The following LRRC7 variants were observed in gnomAD, a reference collection of about 807,000 sequenced individuals.
LRRC7 encodes the protein leucine rich repeat containing 7.
In LRRC7, 23 loss-of-function variants were observed where a neutral mutation model predicts 175.7. That is an observed-to-expected ratio of 0.13 (90% CI 0.09 to 0.19). LRRC7 has a LOEUF of 0.19. Among genes scored for constraint, LRRC7 ranks in the 10% least tolerant of loss-of-function variants. The pLI, the probability that LRRC7 is intolerant of heterozygous loss-of-function variation, is 1.00. For missense variants in LRRC7, 1,354 were observed against 1,904.7 expected, an observed-to-expected ratio of 0.71 and a Z score of 5.38; for synonymous variants, 685 against 680.9, an observed-to-expected ratio of 1.01 and a Z score of -0.09.
At chr1:69,681,501 G>A (rs541828352) in intron 2 of LRRC7, among the ~76,000 whole-genome samples, 24 of 152,136 alleles carry the variant, frequency 1.6e-4, no homozygotes, top group Non-Finnish European at 7.4e-5. Context: ...CAACATAGAC[G>A]TAGATCTAAG....
intron 7 of LRRC7, among the ~76,000 whole-genome samples, chr1:69,864,408 A>G (rs1334658255): frequency 6.6e-6 from 1 of 152,222 alleles, no homozygotes; most frequent in East Asian, 1.9e-4. Flanking sequence ...CTATAATGAT[A>G]TTCAACAACA....
rs1470931090 is a variant in LRRC7, at chr1:69,916,992, GA to G, written c.648-14513del. On this transcript the variant is annotated intron_variant, in intron 7 of 26. Transcript: ENST00000651989. Reference sequence around the variant, plus strand: ...GGACTGGCTATGAGAAGATTTACAGGAATAACATTACAGGCAGGAGCAACAG... The same window carrying G: ...GGACTGGCTATGAGAAGATTTACAGGATAACATTACAGGCAGGAGCAACAG... Among the ~76,000 whole-genome samples, 63 of 152,106 alleles carry G rather than the reference GA, an allele frequency of 4.1e-4. 1 individual carries two copies. Among genetic ancestry groups the G allele is most frequent in the Non-Finnish European group, 1.6e-4 (11 of 67,978 alleles).
chr1:69,728,178 A>G (rs988358229), intron 2 of LRRC7, among the ~76,000 whole-genome samples: 1 of 152,192 alleles, frequency 6.6e-6, no homozygotes, highest in Admixed American at 6.5e-5. Flanking sequence ...GGTTTTCTGG[A>G]AAGTATAAAT....
At chr1:69,664,301 T>C (rs1033785576) in intron 1 of LRRC7, among the ~76,000 whole-genome samples, 9 of 152,220 alleles carry the variant, frequency 5.9e-5, no homozygotes, top group Admixed American at 2.6e-4. Context: ...TGATTTCCTT[T>C]CTTTTGGATA....
In LRRC7 at chr1:70,130,715, T is replaced by C. The variant is rs1666628458; in HGVS notation, c.*8828T>C. Among the ~76,000 whole-genome samples, 1 of 152,212 alleles carries C rather than the reference T, an allele frequency of 6.6e-6. No individual in the cohort carries two copies. Among genetic ancestry groups the C allele is most frequent in the African/African-American group, 2.4e-5 (1 of 41,454 alleles). On this transcript the variant is annotated 3_prime_UTR_variant, in exon 27 of 27. Transcript: ENST00000651989. ...TTTTGATTTGATTGGGTTTCCTTTC[T>C]CTTTGAGAAGAAGTCATGCACATTG...
chr1:69,936,642 T>A (rs531767342), intron 8 of LRRC7, among the ~76,000 whole-genome samples: 1 of 152,284 alleles, frequency 6.6e-6, no homozygotes, highest in Non-Finnish European at 1.5e-5. Flanking sequence ...CACTGGGGTT[T>A]GGTGTACAAA....
At chr1:69,577,230 C>T (rs1645990941) in intron 1 of LRRC7, among the ~76,000 whole-genome samples, 1 of 152,148 alleles carries the variant, frequency 6.6e-6, no homozygotes, top group Admixed American at 6.5e-5. Flanking sequence ...CATAGGTAAA[C>T]TTACCCATAA....
intron 7 of LRRC7, among the ~76,000 whole-genome samples, chr1:69,924,726 A>G (rs1014514766): frequency 3.9e-5 from 6 of 152,182 alleles, no homozygotes; most frequent in Non-Finnish European, 8.8e-5. Context: ...TCCTAGATAT[A>G]CAATCATGTC....
At chr1:69,880,376 G>A (rs74084506) in intron 7 of LRRC7, among the ~76,000 whole-genome samples, 4,195 of 152,266 alleles carry the variant, frequency 0.028, 189 homozygotes, top group African/African-American at 0.096. Flanking sequence ...GATGATCAGG[G>A]CAGAAGATGG....
chr1:69,916,209 AAATTTTAT>A (rs1570638518), intron 7 of LRRC7, among the ~76,000 whole-genome samples: 9 of 126,816 alleles, frequency 7.1e-5, no homozygotes, highest in Non-Finnish European at 9.6e-5. Flanking sequence ...TATAAAAATA[AAATTTTAT>A]TATGTATAAT....
chr1:69,568,748 GTGGCAGGGC>G, intron 1 of LRRC7, 107 bp downstream of exon 1: 12 of 743,128 alleles, frequency 1.6e-5, no homozygotes, highest in Non-Finnish European at 1.9e-5. Context: ...GGGGGCGGGG[GTGGCAGGGC>G]GGGAGGCTTC....
In LRRC7 at chr1:70,130,705, G is replaced by A. The variant is rs140747343; in HGVS notation, c.*8818G>A. The stretch of plus-strand genomic sequence containing the variant: ...ATATCTATCCTTTTGATTTGATTGG[G>A]TTTCCTTTCTCTTTGAGAAGAAGTC... On this transcript the variant is annotated 3_prime_UTR_variant, in exon 27 of 27. Transcript: ENST00000651989. Among the ~76,000 whole-genome samples the A allele has an allele frequency of 9.5e-4, 144 of 152,220 alleles. No homozygotes were observed. Among genetic ancestry groups the A allele is most frequent in the Non-Finnish European group, 1.6e-3 (110 of 68,018 alleles).
intron 3 of LRRC7, among the ~76,000 whole-genome samples, chr1:69,788,740 C>T (rs1674783016): frequency 6.6e-6 from 1 of 152,146 alleles, no homozygotes; most frequent in Non-Finnish European, 1.5e-5. Flanking sequence ...CATAAATCAA[C>T]TCCAGCACCA....
intron 2 of LRRC7, among the ~76,000 whole-genome samples, chr1:69,745,270 A>T (rs1362293576): frequency 6.6e-6 from 1 of 152,002 alleles, no homozygotes; most frequent in East Asian, 1.9e-4. Flanking sequence ...ACAAATAAAG[A>T]TACAGACTTA....
intron 7 of LRRC7, among the ~76,000 whole-genome samples, chr1:69,918,737 A>G (rs1646793204): frequency 6.6e-6 from 1 of 152,210 alleles, no homozygotes; most frequent in African/African-American, 2.4e-5. Flanking sequence ...TAGTGACAGA[A>G]TGAAACTATA....
chr1:69,690,213 C>A (rs1170018515), intron 2 of LRRC7, among the ~76,000 whole-genome samples: 7 of 152,134 alleles, frequency 4.6e-5, no homozygotes, highest in African/African-American at 9.7e-5. Context: ...TTCCTAGCAC[C>A]TCTGGCTTAG....
intron 8 of LRRC7, among the ~76,000 whole-genome samples, chr1:69,941,381 C>T (rs2101799269): frequency 6.6e-6 from 1 of 152,140 alleles, no homozygotes; most frequent in Middle Eastern, 3.4e-3. Flanking sequence ...GACCACTTTA[C>T]TATGTTGAGA....
intron 7 of LRRC7, among the ~76,000 whole-genome samples, chr1:69,856,903 A>C (rs1683711036): frequency 6.6e-6 from 1 of 152,168 alleles, no homozygotes; most frequent in African/African-American, 2.4e-5. Context: ...CACATCAAAA[A>C]GCTTATCCAC....
At position 69,980,241 on chromosome 1, in the gene LRRC7, G is replaced by A. The variant is rs1331204152; in HGVS notation, c.712-138G>A. The stretch of plus-strand genomic sequence containing the variant: ...CCAGTTTTCCTAGAGGTCTGTTAAA[G>A]GTGGAATTTCTTAGATGCTTAACAC... On this transcript the variant is annotated intron_variant, in intron 8 of 26. Coordinates refer to ENST00000651989, the MANE Select transcript of LRRC7 (RefSeq NM_001370785.2). The A allele has an allele frequency of 5.6e-5, 41 of 731,594 alleles. No individual in the cohort carries two copies. The South Asian group carries it at 6.3e-4, about 11-fold the overall frequency. The allele number at this position is 731,594 out of a possible 1,614,324, so 45.3% of individuals were successfully genotyped here. A position where few individuals can be genotyped will look rare whatever the true frequency, so the allele number is the denominator to read the frequency against.
Sources: allele counts gnomAD v4.1 joint callset (sites outside exome capture counted in the v4.1 genomes callset), GRCh38; gene constraint gnomAD v4.1.1; transcripts MANE v1.5; gene names NCBI Gene and HGNC (gene_info 2026-07-23, HGNC 2026-07-21).